Variants in DENND5B observed in about 807,000 individuals in gnomAD.
The protein encoded by DENND5B is DENN domain containing 5B.
Under a neutral mutation model 140.6 loss-of-function variants are expected in DENND5B, and 34 were observed. The ratio of observed to expected loss-of-function variants is 0.24; its 90% CI spans 0.18 to 0.32. The LOEUF is 0.32. Among genes scored for constraint, DENND5B ranks in the 10% least tolerant of loss-of-function variants. The pLI, the probability that DENND5B is intolerant of heterozygous loss-of-function variation, is 1.00. For synonymous variants in DENND5B, 551 were observed against 562.1 expected, an observed-to-expected ratio of 0.98 and a Z score of 0.28; for missense variants, 1,142 against 1,560.2, an observed-to-expected ratio of 0.73 and a Z score of 4.52.
chr12:31,484,775 T>C (rs1946223856), intron 2 of DENND5B, among the ~76,000 whole-genome samples: 1 of 152,042 alleles, frequency 6.6e-6, no homozygotes, highest in Admixed American at 6.6e-5. Context: ...AACTCCAGCC[T>C]AGGCAACAGA....
At chr12:31,482,064 T>C (rs1946091788) in intron 2 of DENND5B, among the ~76,000 whole-genome samples, 2 of 152,186 alleles carry the variant, frequency 1.3e-5, no homozygotes, top group African/African-American at 4.8e-5. Flanking sequence ...ATAGGATTAA[T>C]GCAACACAAT....
chr12:31,577,801 C>T (rs1950068628), intron 1 of DENND5B, among the ~76,000 whole-genome samples: 1 of 150,312 alleles, frequency 6.7e-6, no homozygotes, highest in South Asian at 2.1e-4. Context: ...GGATTCAGCA[C>T]TTCAGTCTTC....
At chr12:31,522,682 C>T (rs544031454) in intron 1 of DENND5B, among the ~76,000 whole-genome samples, 19 of 152,216 alleles carry the variant, frequency 1.2e-4, no homozygotes, top group Middle Eastern at 3.4e-3. Flanking sequence ...TGAGCTCAAG[C>T]GACACACCTG....
chr12:31,454,006 G>A (rs1944658110), intron 4 of DENND5B, among the ~76,000 whole-genome samples: 1 of 151,980 alleles, frequency 6.6e-6, no homozygotes, highest in African/African-American at 2.4e-5. Flanking sequence ...GCTGGGCATG[G>A]TGGCATGCAC....
chr12:31,435,311 T>A (rs1368490772), intron 7 of DENND5B, among the ~76,000 whole-genome samples: 1 of 152,118 alleles, frequency 6.6e-6, no homozygotes, highest in Admixed American at 6.5e-5. Context: ...TACACACACA[T>A]AAACATCCTC....
At chr12:31,488,099 G>A (rs945586032) in intron 2 of DENND5B, among the ~76,000 whole-genome samples, 3 of 151,372 alleles carry the variant, frequency 2.0e-5, no homozygotes, top group Non-Finnish European at 4.4e-5. Flanking sequence ...GGGATTACAA[G>A]TGTGTGCGAT....
In DENND5B at chr12:31,479,969, C is replaced by T. The variant is rs758268350; in HGVS notation, c.524G>A (p.Arg175Gln). ...GDTTSLLKLQ[R>Q]YNSYDISRDT... ...TCTGCTAATATCATAGGAGTTGTAT[C>T]GCTGGAGTTTCAAAAGGGAAGTTGT... Residue 175 changes from arginine (R) to glutamine (Q), a missense_variant, in exon 3 of 21, where the codon CGA (arginine) becomes CAA (glutamine). Physicochemically the swap from Arg to Gln is conservative, Grantham distance 43. Transcript: ENST00000389082. 1.2e-6 allele frequency: 2 copies of T among 1,613,820 alleles called. No homozygotes were observed. The highest frequency in any genetic ancestry group is 1.7e-6 in the Non-Finnish European group (2 of 1,179,880).
At position 31,399,649 on chromosome 12, in the gene DENND5B, C is replaced by G. The variant is rs757425261; in HGVS notation, c.3068+5G>C. 6.2e-7 allele frequency: 1 copy of G among 1,610,186 alleles called. No individual in the cohort carries two copies. Among genetic ancestry groups the G allele is most frequent in the South Asian group, 1.1e-5 (1 of 90,590 alleles). On this transcript the variant is annotated splice_donor_5th_base_variant and intron_variant, in intron 16 of 20. Transcript: ENST00000389082. ...AATTCTGAGTTCCCAAGGCCATTTACTTACCTGTATGTATGTCCTGTGATT... is the reference window on the plus strand; with the variant it reads ...AATTCTGAGTTCCCAAGGCCATTTAGTTACCTGTATGTATGTCCTGTGATT...
intron 14 of DENND5B, among the ~76,000 whole-genome samples, chr12:31,404,443 C>G (rs1339748385): frequency 2.0e-5 from 3 of 152,102 alleles, no homozygotes; most frequent in African/African-American, 7.2e-5. Flanking sequence ...ACTACAGGTG[C>G]ACGCTACCAC....
rs907438757 is a variant in DENND5B, at chr12:31,386,042, G to A, written c.*1561C>T. ...AAGTATGAAGTCACATGTTAAAAGA[G>A]GCTGTCCTTGGCTGTGTTTGATAAA... is the stretch of plus-strand genomic sequence containing the variant. On this transcript the variant is annotated 3_prime_UTR_variant, in exon 21 of 21. Transcript: ENST00000389082. The A allele has an allele frequency of 5.9e-5, 9 of 153,604 alleles. No individual in the cohort carries two copies. Among genetic ancestry groups the A allele is most frequent in the African/African-American group, 1.9e-4 (8 of 41,512 alleles). The allele number at this position is 153,604 out of a possible 1,614,324, so 9.5% of individuals were successfully genotyped here.
intron 1 of DENND5B, among the ~76,000 whole-genome samples, chr12:31,538,482 GA>G (rs1201738293): frequency 2.0e-5 from 3 of 151,912 alleles, no homozygotes; most frequent in African/African-American, 7.2e-5. Flanking sequence ...CATCAAAAAA[GA>G]AAAAAACCTC....
At chr12:31,456,204 C>T (rs1005005283) in intron 4 of DENND5B, among the ~76,000 whole-genome samples, 1 of 151,930 alleles carries the variant, frequency 6.6e-6, no homozygotes, top group African/African-American at 2.4e-5. Flanking sequence ...GTGGCGTGCA[C>T]CTGTAATCCC....
intron 1 of DENND5B, among the ~76,000 whole-genome samples, chr12:31,509,507 T>C (rs908477713): frequency 6.6e-6 from 1 of 152,174 alleles, no homozygotes; most frequent in East Asian, 1.9e-4. Flanking sequence ...GCTATGATTG[T>C]GCCACTGAAT....
chr12:31,522,295 G>C (rs4931513), intron 1 of DENND5B, among the ~76,000 whole-genome samples: 1 of 151,900 alleles, frequency 6.6e-6, no homozygotes, highest in Non-Finnish European at 1.5e-5. Context: ...AACTTCTTAG[G>C]AAAGCATGGC....
chr12:31,562,336 G>A (rs1241007155), intron 1 of DENND5B, among the ~76,000 whole-genome samples: 1 of 152,168 alleles, frequency 6.6e-6, no homozygotes, highest in African/African-American at 2.4e-5. Context: ...TGGGCCGGGC[G>A]CAGCAGCTCA....
intron 1 of DENND5B, among the ~76,000 whole-genome samples, chr12:31,564,813 T>C (rs1336210102): frequency 6.6e-6 from 1 of 151,682 alleles, no homozygotes; most frequent in African/African-American, 2.4e-5. Context: ...GGTCTCACAC[T>C]CCTAGCCTCA....
intron 1 of DENND5B, among the ~76,000 whole-genome samples, chr12:31,555,632 GTGCCC>G (rs1281618202): frequency 6.6e-6 from 1 of 152,212 alleles, no homozygotes; most frequent in Non-Finnish European, 1.5e-5. Context: ...CTTTTTGTCT[GTGCCC>G]TGCCCCCAGA....
At chr12:31,491,684 A>G (rs1175272370) in intron 2 of DENND5B, among the ~76,000 whole-genome samples, 1 of 152,162 alleles carries the variant, frequency 6.6e-6, no homozygotes, top group East Asian at 1.9e-4. Context: ...TGTGATATTT[A>G]CTTTTTTTCA....
intron 1 of DENND5B, among the ~76,000 whole-genome samples, chr12:31,549,697 C>G (rs1948975911): frequency 6.6e-6 from 1 of 152,086 alleles, no homozygotes; most frequent in African/African-American, 2.4e-5. Flanking sequence ...TGCTCTCTTC[C>G]CCCATCCCAA....
Sources: allele counts gnomAD v4.1 joint callset (sites outside exome capture counted in the v4.1 genomes callset), GRCh38; gene constraint gnomAD v4.1.1; transcripts MANE v1.5; gene names NCBI Gene and HGNC (gene_info 2026-07-23, HGNC 2026-07-21).